Variants in UNC80 observed in about 807,000 individuals in gnomAD.
UNC80 encodes protein unc-80 homolog.
Under a neutral mutation model 384.6 loss-of-function variants are expected in UNC80, and 164 were observed. The ratio of observed to expected loss-of-function variants is 0.43; its 90% CI spans 0.38 to 0.49. The LOEUF (loss-of-function observed/expected upper bound fraction) is 0.49, where lower values mean the gene tolerates loss of function less well. Among genes scored for constraint, UNC80 ranks in the 20% least tolerant of loss-of-function variants. UNC80 has a pLI of 0.00. For synonymous variants in UNC80, 1,486 were observed against 1,527.8 expected, an observed-to-expected ratio of 0.97 and a Z score of 0.64; for missense variants, 3,330 against 4,143.0, an observed-to-expected ratio of 0.80 and a Z score of 5.39.
At chr2:209,878,560 T>G (rs2084986752) in intron 24 of UNC80, among the ~76,000 whole-genome samples, 1 of 152,190 alleles carries the variant, frequency 6.6e-6, no homozygotes, top group Non-Finnish European at 1.5e-5. Context: ...TTATAGTATT[T>G]AACATGACAC....
At chr2:209,906,927 C>T (rs147573530) in intron 29 of UNC80, among the ~76,000 whole-genome samples, 1 of 152,214 alleles carries the variant, frequency 6.6e-6, no homozygotes, top group Non-Finnish European at 1.5e-5. Flanking sequence ...AATTATTGAT[C>T]ATTGTTCTCC....
chr2:209,917,074 T>C (rs1214768715), intron 31 of UNC80, among the ~76,000 whole-genome samples: 1 of 152,214 alleles, frequency 6.6e-6, no homozygotes, highest in East Asian at 1.9e-4. Context: ...CACAACTGCC[T>C]AAGCACATTG....
chr2:209,808,709 G>T (rs568295278), intron 7 of UNC80: 2 of 108,214 alleles, frequency 1.8e-5, no homozygotes, highest in Non-Finnish European at 3.9e-5. Context: ...GGGAGTTGGC[G>T]GAGCGGCTGC....
intron 59 of UNC80, among the ~76,000 whole-genome samples, chr2:209,979,100 C>G (rs2093089238): frequency 6.6e-6 from 1 of 151,976 alleles, no homozygotes; most frequent in South Asian, 2.1e-4. Flanking sequence ...AATACAAAAA[C>G]TAGCTGAGTG....
chr2:209,865,972 C>CTTTCTGG (rs2083722928), intron 22 of UNC80, among the ~76,000 whole-genome samples: 1 of 152,164 alleles, frequency 6.6e-6, no homozygotes, highest in African/African-American at 2.4e-5. Context: ...AATTGACAAT[C>CTTTCTGG]CTTTATAGGT....
At chr2:209,992,308 T>G in intron 62 of UNC80, 61 bp downstream of exon 62, 1 of 1,442,586 alleles carries the variant, frequency 6.9e-7, no homozygotes. Flanking sequence ...TGTGTGATTT[T>G]TAATGCCCAT....
chr2:209,805,055 A>T (rs2078808094), intron 7 of UNC80, among the ~76,000 whole-genome samples: 1 of 152,186 alleles, frequency 6.6e-6, no homozygotes. Flanking sequence ...GATTTTTCAA[A>T]ATCAAGTTCC....
At chr2:209,840,232 AG>A (rs2081635384) in intron 19 of UNC80, among the ~76,000 whole-genome samples, 1 of 152,350 alleles carries the variant, frequency 6.6e-6, no homozygotes, top group African/African-American at 2.4e-5. Flanking sequence ...ATGTAGGCAG[AG>A]ATAAATGAAC....
chr2:209,976,690 A>G lies in UNC80; in HGVS notation c.8773-223A>G, dbSNP rs1011703025. ...ATACTTAACGTATGTTTTTCCTCCA[A>G]GACCCTCGGTACCCATCTACACTTG... On this transcript the variant is annotated intron_variant, in intron 57 of 64. Coordinates refer to ENST00000673920, the MANE Select transcript of UNC80 (RefSeq NM_001371986.1). The surrounding 1 kb of genome is among the most constrained non-coding windows in gnomAD (Gnocchi z 4.3). 6.6e-6 allele frequency among the ~76,000 whole-genome samples: 1 copy of G among 152,122 alleles called. No individual in the cohort carries two copies. The highest frequency in any genetic ancestry group is 2.4e-5 in the African/African-American group (1 of 41,408).
rs1306546210 is a variant in UNC80, at chr2:209,912,590, T to G, written c.4813T>G (p.Ser1605Ala). ...AGATAAGTCATGCCTGAGGACACCT[T>G]CTCTAAAGAAGAGAGTTTCAGATGC... ...CSDKSCLRTP[S>A]LKKRVSDANL... The change falls in exon 30 of 65, where the codon TCT (serine) becomes GCT (alanine). Residue 1605 changes from serine (S) to alanine (A), a missense_variant. Around this residue, in one of 8 missense-constraint regions of UNC80, gnomAD observed 801 missense variants for 950.8 expected, o/e 0.84. Transcript: ENST00000673920. 6.4e-7 allele frequency: 1 copy of G among 1,551,382 alleles called. No homozygotes were observed. The highest frequency in any genetic ancestry group is 8.7e-7 in the Non-Finnish European group (1 of 1,146,830).
chr2:209,877,081 G>A (rs1052870679), intron 23 of UNC80, among the ~76,000 whole-genome samples: 14 of 152,138 alleles, frequency 9.2e-5, no homozygotes, highest in African/African-American at 3.1e-4. Context: ...TAAACACAGA[G>A]TATCCAAACT....
chr2:209,865,213 A>G (rs2083639506), intron 22 of UNC80, among the ~76,000 whole-genome samples: 1 of 149,598 alleles, frequency 6.7e-6, no homozygotes, highest in African/African-American at 2.5e-5. Context: ...CCGGTGAAGG[A>G]TTCACACGTT....
At chr2:209,892,024 C>A (rs575472719) in intron 26 of UNC80, among the ~76,000 whole-genome samples, 2 of 152,228 alleles carry the variant, frequency 1.3e-5, no homozygotes, top group South Asian at 2.1e-4. Flanking sequence ...ATGCAAAGGG[C>A]AAACAGGGTC....
At chr2:209,792,122 G>T (rs976865347) in intron 6 of UNC80, among the ~76,000 whole-genome samples, 1 of 152,104 alleles carries the variant, frequency 6.6e-6, no homozygotes, top group African/African-American at 2.4e-5. Flanking sequence ...TGGGCAATAT[G>T]GCAAAACTCT....
At position 209,959,158 on chromosome 2, in the gene UNC80, C is replaced by T. The variant is rs1419487367; in HGVS notation, c.7586+4C>T. On this transcript the variant is annotated splice_donor_region_variant and intron_variant, in intron 50 of 64. Coordinates refer to ENST00000673920, the MANE Select transcript of UNC80 (RefSeq NM_001371986.1). ...GAGCCAAACTGCACTTTATCAGGTACAGAAAGACTTGCTCTAATTTCATAC... is the reference window on the plus strand; with the variant it reads ...GAGCCAAACTGCACTTTATCAGGTATAGAAAGACTTGCTCTAATTTCATAC... The T allele has an allele frequency of 1.3e-6, 2 of 1,552,014 alleles. No homozygotes were observed. The highest frequency in any genetic ancestry group is 1.7e-6 in the Non-Finnish European group (2 of 1,146,932).
Position 209,936,945 on chromosome 2 carries a change from G to T in UNC80, c.6363+12G>T, listed in dbSNP as rs772233116. 1.4e-5 allele frequency: 21 copies of T among 1,512,428 alleles called. No homozygotes were observed. The South Asian group carries it at 1.8e-4, about 13-fold the overall frequency. The allele number at this position is 1,512,428 out of a possible 1,614,324, so 93.7% of individuals were successfully genotyped here. On this transcript the variant is annotated intron_variant, in intron 41 of 64. Transcript: ENST00000673920. The stretch of plus-strand genomic sequence containing the variant: ...TCCACTACAATAAGGTGAGACACCA[G>T]TAGTGACATCCCCGTTGAGTTGTGC...
intron 38 of UNC80, among the ~76,000 whole-genome samples, chr2:209,931,364 AACAC>A (rs61386739): frequency 0.07 from 8,751 of 125,422 alleles, 353 homozygotes; most frequent in African/African-American, 0.12. Context: ...TCTATGTTTA[AACAC>A]ACACACACAC....
chr2:209,896,813 G>A lies in UNC80; in HGVS notation c.4581+400G>A, dbSNP rs548192688. On this transcript the variant is annotated intron_variant, in intron 28 of 64. Coordinates refer to ENST00000673920, the MANE Select transcript of UNC80 (RefSeq NM_001371986.1). ...GTGTATTAGATCAAATTTTAAACTG[G>A]GGCAAGGACACTCTAAGATGGTGAA... Among the ~76,000 whole-genome samples the A allele has an allele frequency of 4.6e-5, 7 of 152,144 alleles. No individual in the cohort carries two copies. In the South Asian group the frequency reaches 1.5e-3, roughly 32 times the overall value.
intron 7 of UNC80, among the ~76,000 whole-genome samples, chr2:209,804,579 G>A (rs1415367583): frequency 2.0e-5 from 3 of 151,804 alleles, no homozygotes; most frequent in African/African-American, 4.8e-5. Context: ...CACTAGAATG[G>A]AAAAAATCCA....
Sources: gnomAD v4.1 joint callset for allele counts (sites outside exome capture counted in the v4.1 genomes callset) on GRCh38, gnomAD v4.1.1 for gene constraint, gnomAD v4.1.1 regional missense constraint, Gnocchi (gnomAD v3.1) non-coding constraint, MANE v1.5 for transcripts, NCBI Gene and HGNC (gene_info 2026-07-23, HGNC 2026-07-21) for gene names.